Variants in DENND1A observed in about 807,000 individuals in gnomAD.
The protein encoded by DENND1A is DENN domain containing 1A, also known as DENN domain-containing protein 1A.
DENND1A carries 51 observed loss-of-function variants against 113.7 expected under a neutral mutation model. The ratio of observed to expected loss-of-function variants is 0.45; its 90% CI spans 0.36 to 0.57. DENND1A has a LOEUF of 0.57. Ranked by LOEUF, DENND1A falls within the 20% of genes least tolerant of loss-of-function variation. DENND1A has a pLI of 0.00. For synonymous variants in DENND1A, 565 were observed against 570.8 expected (o/e 0.99, Z 0.14); for missense variants, 1,258 against 1,395.9 (o/e 0.90, Z 1.57).
At chr9:123,573,963 C>T (rs1019743343) in intron 12 of DENND1A, among the ~76,000 whole-genome samples, 5 of 150,704 alleles carry the variant, frequency 3.3e-5, no homozygotes, top group South Asian at 2.1e-4. Flanking sequence ...TGAATATTGC[C>T]GAATTTTTCC....
intron 5 of DENND1A, among the ~76,000 whole-genome samples, chr9:123,721,646 G>C (rs2067348910): frequency 6.6e-6 from 1 of 152,182 alleles, no homozygotes; most frequent in African/African-American, 2.4e-5. Context: ...TTCCCATGCT[G>C]TTCTGATGAT....
At chr9:123,461,226 C>A (rs2133055346) in intron 13 of DENND1A, among the ~76,000 whole-genome samples, 1 of 152,324 alleles carries the variant, frequency 6.6e-6, no homozygotes, top group East Asian at 1.9e-4. Context: ...TCACTCATCC[C>A]AGTGCCGTGT....
intron 8 of DENND1A, 31 bp downstream of exon 8, chr9:123,666,995 A>T (rs756415991): frequency 1.9e-6 from 3 of 1,562,672 alleles, no homozygotes; most frequent in Non-Finnish European, 2.6e-6. Flanking sequence ...AAGAATAAAA[A>T]TTTAATTTTT....
intron 13 of DENND1A, among the ~76,000 whole-genome samples, chr9:123,500,585 T>TCC (rs1408505250): frequency 6.6e-6 from 1 of 152,196 alleles, no homozygotes; most frequent in African/African-American, 2.4e-5. Flanking sequence ...AGTTAATCTC[T>TCC]CCCCCTTCTG....
At chr9:123,554,243 G>C (rs1346567064) in intron 13 of DENND1A, among the ~76,000 whole-genome samples, 5 of 152,070 alleles carry the variant, frequency 3.3e-5, no homozygotes, top group Non-Finnish European at 5.9e-5. Flanking sequence ...ATTTTTAAAA[G>C]ACAGGGTCTC....
chr9:123,403,342 A>T, intron 21 of DENND1A, 60 bp downstream of exon 21: 3 of 1,581,158 alleles, frequency 1.9e-6, no homozygotes, highest in Non-Finnish European at 2.6e-6. Context: ...GGGCTTCGCA[A>T]AGTGCTGGCT....
intron 5 of DENND1A, among the ~76,000 whole-genome samples, chr9:123,721,612 T>C (rs76129881): frequency 0.064 from 9,701 of 152,242 alleles, 426 homozygotes; most frequent in Admixed American, 0.09. Context: ...CTGTGGGAGG[T>C]GATCAAATCA....
At chr9:123,420,283 A>T (rs1162324329) in intron 19 of DENND1A, among the ~76,000 whole-genome samples, 1 of 152,194 alleles carries the variant, frequency 6.6e-6, no homozygotes, top group Non-Finnish European at 1.5e-5. Flanking sequence ...TAGACAGGGA[A>T]AGGGAAGCCC....
intron 13 of DENND1A, among the ~76,000 whole-genome samples, chr9:123,518,228 A>T (rs2054100526): frequency 6.6e-6 from 1 of 152,200 alleles, no homozygotes; most frequent in Non-Finnish European, 1.5e-5. Flanking sequence ...GGAGCCAAAT[A>T]AATGTTTCCT....
intron 13 of DENND1A, among the ~76,000 whole-genome samples, chr9:123,483,302 C>G (rs1034082693): frequency 1.3e-5 from 2 of 152,218 alleles, no homozygotes; most frequent in African/African-American, 4.8e-5. Flanking sequence ...GAATCCCTAC[C>G]CCAAGAGCAG....
intron 13 of DENND1A, among the ~76,000 whole-genome samples, chr9:123,549,158 C>T (rs1472990494): frequency 1.3e-5 from 2 of 152,206 alleles, no homozygotes; most frequent in Non-Finnish European, 2.9e-5. Context: ...CCACCACTCC[C>T]AACCTGTGTG....
intron 2 of DENND1A, among the ~76,000 whole-genome samples, chr9:123,829,286 T>A (rs1009924390): frequency 8.5e-5 from 13 of 152,146 alleles, no homozygotes; most frequent in Admixed American, 6.5e-4. Context: ...ATAACCTTCC[T>A]TTCAAATTAG....
rs914682655 is a variant in DENND1A, at chr9:123,609,338, G to A, written c.765+98C>T. 3.7e-6 allele frequency: 5 copies of A among 1,354,516 alleles called. No homozygotes were observed. In the African/African-American group the frequency reaches 5.7e-5, roughly 16 times the overall value. The allele number at this position is 1,354,516 out of a possible 1,614,324, so 83.9% of individuals were successfully genotyped here. A position where few individuals can be genotyped will look rare whatever the true frequency, so the allele number is the denominator to read the frequency against. On this transcript the variant is annotated intron_variant, in intron 11 of 23. Transcript: ENST00000394215. Reference sequence around the variant, plus strand: ...AGGTGCTGCTTCAGCATGCTCCCACGTGCAGAGCTGTGACTGCTGAGACTG... The same window carrying A: ...AGGTGCTGCTTCAGCATGCTCCCACATGCAGAGCTGTGACTGCTGAGACTG...
At chr9:123,524,398 G>C (rs1364351421) in intron 13 of DENND1A, among the ~76,000 whole-genome samples, 1 of 152,248 alleles carries the variant, frequency 6.6e-6, no homozygotes, top group Non-Finnish European at 1.5e-5. Flanking sequence ...GGTGGATCTA[G>C]AAAGAAAGGC....
chr9:123,393,747 T>C (rs1588297681), intron 21 of DENND1A, among the ~76,000 whole-genome samples: 1 of 152,062 alleles, frequency 6.6e-6, no homozygotes, highest in African/African-American at 2.4e-5. Context: ...CAGTTGCAGG[T>C]GAATATCTAC....
intron 9 of DENND1A, among the ~76,000 whole-genome samples, chr9:123,631,910 T>C (rs1389713469): frequency 6.6e-6 from 1 of 152,250 alleles, no homozygotes; most frequent in Non-Finnish European, 1.5e-5. Context: ...GATATAGGTA[T>C]GAAGTGACAA....
At chr9:123,538,531 A>G (rs2055974456) in intron 13 of DENND1A, among the ~76,000 whole-genome samples, 1 of 152,126 alleles carries the variant, frequency 6.6e-6, no homozygotes, top group South Asian at 2.1e-4. Flanking sequence ...AATATCAGAT[A>G]GCAAGAGAGC....
intron 19 of DENND1A, among the ~76,000 whole-genome samples, chr9:123,423,897 A>G (rs2045511526): frequency 6.6e-6 from 1 of 152,172 alleles, no homozygotes; most frequent in Non-Finnish European, 1.5e-5. Context: ...ACAGGCCTGC[A>G]TTTTAAGGGG....
At chr9:123,699,732 C>G (rs111849916) in intron 5 of DENND1A, among the ~76,000 whole-genome samples, 25,626 of 135,308 alleles carry the variant, frequency 0.19, 2,503 homozygotes, top group African/African-American at 0.27. Flanking sequence ...GAGTCTCGCT[C>G]TGTCACCCAG....
Sources: gnomAD v4.1 joint callset for allele counts (sites outside exome capture counted in the v4.1 genomes callset) on GRCh38, gnomAD v4.1.1 for gene constraint, MANE v1.5 for transcripts, NCBI Gene and HGNC (gene_info 2026-07-23, HGNC 2026-07-21) for gene names.